The following GALNT17 variants were observed in gnomAD, a reference collection of about 807,000 sequenced individuals.
GALNT17 encodes polypeptide N-acetylgalactosaminyltransferase 17.
Under a neutral mutation model 63.7 loss-of-function variants are expected in GALNT17, and 29 were observed. The observed-to-expected ratio is 0.46, with a 90% CI of 0.34 to 0.62. The LOEUF (loss-of-function observed/expected upper bound fraction) is 0.62. Ranked by LOEUF, GALNT17 falls within the 20% of genes least tolerant of loss-of-function variation. The pLI is 0.01. For synonymous variants in GALNT17, 305 were observed against 318.3 expected, an observed-to-expected ratio of 0.96 and a Z score of 0.45; for missense variants, 603 against 799.6, an observed-to-expected ratio of 0.75 and a Z score of 2.97.
chr7:71,201,265 TG>T (rs1311159421), intron 1 of GALNT17, among the ~76,000 whole-genome samples: 1 of 102,922 alleles, frequency 9.7e-6, no homozygotes, highest in African/African-American at 4.7e-5. Flanking sequence ...ATAATTTGTG[TG>T]TGCATGCGTG....
At chr7:71,658,838 A>G (rs1790866516) in intron 6 of GALNT17, among the ~76,000 whole-genome samples, 1 of 152,106 alleles carries the variant, frequency 6.6e-6, no homozygotes, top group South Asian at 2.1e-4. Context: ...CGGTGAGCCA[A>G]GATCATGCCA....
intron 3 of GALNT17, among the ~76,000 whole-genome samples, chr7:71,394,546 T>C (rs574703947): frequency 6.6e-6 from 1 of 152,158 alleles, no homozygotes; most frequent in Non-Finnish European, 1.5e-5. Flanking sequence ...GATCTACCAC[T>C]CAAGCCCAGA....
At chr7:71,478,392 C>T (rs778293194) in intron 5 of GALNT17, among the ~76,000 whole-genome samples, 5 of 152,084 alleles carry the variant, frequency 3.3e-5, no homozygotes, top group Non-Finnish European at 5.9e-5. Context: ...TGGCTCACTG[C>T]AGCCTGGAAC....
intron 1 of GALNT17, among the ~76,000 whole-genome samples, chr7:71,306,525 C>T (rs1030553547): frequency 3.3e-5 from 5 of 152,256 alleles, no homozygotes; most frequent in African/African-American, 1.2e-4. Context: ...CTTAGAATAT[C>T]GTCCTCAAAG....
In GALNT17 at chr7:71,677,137, G is replaced by A; in HGVS notation, c.1405-74G>A. 9 of 1,497,748 alleles carry A rather than the reference G, an allele frequency of 6.0e-6. No individual in the cohort carries two copies. The South Asian group carries it at 1.0e-4, about 17-fold the overall frequency. The allele number at this position is 1,497,748 out of a possible 1,614,324, so 92.8% of individuals were successfully genotyped here. A position where few individuals can be genotyped will look rare whatever the true frequency, so the allele number is the denominator to read the frequency against. ...CATCATGAAGTTGGAACCAAGCCAT[G>A]GTAGAACAGTGACTCGGCATCCACA... On this transcript the variant is annotated intron_variant, in intron 8 of 10. Coordinates refer to ENST00000333538, the MANE Select transcript of GALNT17 (RefSeq NM_022479.3).
chr7:71,457,991 C>G (rs891429920), intron 5 of GALNT17, among the ~76,000 whole-genome samples: 1 of 152,132 alleles, frequency 6.6e-6, no homozygotes, highest in African/African-American at 2.4e-5. Flanking sequence ...GCCCACCCTT[C>G]CTTTCCTCTA....
At chr7:71,446,242 G>T (rs895416889) in intron 5 of GALNT17, among the ~76,000 whole-genome samples, 3 of 151,986 alleles carry the variant, frequency 2.0e-5, no homozygotes, top group Non-Finnish European at 4.4e-5. Context: ...AAATTATAGT[G>T]TAAAAATACT....
chr7:71,543,769 CT>C (rs1788932512), intron 5 of GALNT17, among the ~76,000 whole-genome samples: 1 of 148,896 alleles, frequency 6.7e-6, no homozygotes, highest in Admixed American at 6.8e-5. Flanking sequence ...GCTTCTTTAA[CT>C]TTTTCTTTCT....
chr7:71,476,318 A>G (rs942699492), intron 5 of GALNT17, among the ~76,000 whole-genome samples: 2 of 152,230 alleles, frequency 1.3e-5, no homozygotes, highest in Non-Finnish European at 2.9e-5. Context: ...CTGCCCTTCC[A>G]GCTGGATATC....
chr7:71,377,110 A>ATATATAT (rs1563047531), intron 2 of GALNT17, among the ~76,000 whole-genome samples: 15 of 63,440 alleles, frequency 2.4e-4, no homozygotes, highest in Non-Finnish European at 3.2e-4. Flanking sequence ...ATAAAAATAA[A>ATATATAT]AAAAATATAT....
intron 1 of GALNT17, among the ~76,000 whole-genome samples, chr7:71,201,626 G>A (rs931138615): frequency 1.4e-5 from 2 of 140,294 alleles, no homozygotes; most frequent in Non-Finnish European, 3.1e-5. Flanking sequence ...TACTTTGCCA[G>A]TTTTTTTTTT....
At chr7:71,265,118 ATTTTTT>A (rs60738546) in intron 1 of GALNT17, among the ~76,000 whole-genome samples, 8 of 37,454 alleles carry the variant, frequency 2.1e-4, no homozygotes, top group East Asian at 5.6e-4. Context: ...ATATATATAT[ATTTTTT>A]TTTTTTTTTT....
At chr7:71,373,255 G>A (rs1792659901) in intron 2 of GALNT17, among the ~76,000 whole-genome samples, 1 of 152,146 alleles carries the variant, frequency 6.6e-6, no homozygotes, top group Non-Finnish European at 1.5e-5. Context: ...GTAACAATCT[G>A]GGGAGAAGTA....
At chr7:71,587,451 A>G (rs758693811) in intron 6 of GALNT17, among the ~76,000 whole-genome samples, 2 of 151,964 alleles carry the variant, frequency 1.3e-5, no homozygotes, top group Non-Finnish European at 2.9e-5. Flanking sequence ...CCATTTTTAA[A>G]CATCATGTTT....
intron 1 of GALNT17, among the ~76,000 whole-genome samples, chr7:71,255,665 T>C (rs1220932729): frequency 1.3e-5 from 2 of 151,626 alleles, no homozygotes; most frequent in African/African-American, 2.4e-5. Context: ...CTGGAGAGAG[T>C]GTGGTGATGT....
At chr7:71,331,198 C>G (rs1791801548) in intron 1 of GALNT17, among the ~76,000 whole-genome samples, 1 of 152,300 alleles carries the variant, frequency 6.6e-6, no homozygotes, top group African/African-American at 2.4e-5. Flanking sequence ...TCCTCCTTCT[C>G]TTTCAGCCTT....
At chr7:71,412,856 A>G (rs1038658918) in intron 3 of GALNT17, among the ~76,000 whole-genome samples, 39 of 152,166 alleles carry the variant, frequency 2.6e-4, no homozygotes, top group African/African-American at 9.2e-4. Flanking sequence ...CAGCAGGGCC[A>G]ACATAGCAAA....
At chr7:71,457,487 A>C (rs1301957570) in intron 5 of GALNT17, among the ~76,000 whole-genome samples, 1 of 152,206 alleles carries the variant, frequency 6.6e-6, no homozygotes, top group Non-Finnish European at 1.5e-5. Flanking sequence ...AGGAAAGTAA[A>C]GGAATAAAAG....
chr7:71,491,414 A>G (rs1031059363), intron 5 of GALNT17, among the ~76,000 whole-genome samples: 1 of 152,094 alleles, frequency 6.6e-6, no homozygotes, highest in Non-Finnish European at 1.5e-5. Flanking sequence ...TTTACAGCTT[A>G]TGATTTATAG....
Sources: allele counts gnomAD v4.1 joint callset (sites outside exome capture counted in the v4.1 genomes callset), GRCh38; gene constraint gnomAD v4.1.1; transcripts MANE v1.5; gene names NCBI Gene and HGNC (gene_info 2026-07-23, HGNC 2026-07-21).